Variants in PTPRT observed in about 807,000 individuals in gnomAD.
PTPRT encodes the protein protein tyrosine phosphatase receptor type T.
In PTPRT, 56 loss-of-function variants were observed where a neutral mutation model predicts 176.8. The ratio of observed to expected loss-of-function variants is 0.32; its 90% CI spans 0.26 to 0.40. The LOEUF (loss-of-function observed/expected upper bound fraction) is 0.40, where lower values mean the gene tolerates loss of function less well. Ranked by LOEUF, PTPRT falls within the 10% of genes least tolerant of loss-of-function variation. PTPRT has a pLI of 1.00. For synonymous variants in PTPRT, 783 were observed against 739.0 expected (o/e 1.06, Z -0.96); for missense variants, 1,540 against 1,908.2 (o/e 0.81, Z 3.60).
chr20:42,945,230 T>C (rs1232663618), intron 1 of PTPRT, among the ~76,000 whole-genome samples: 2 of 152,040 alleles, frequency 1.3e-5, no homozygotes, highest in Non-Finnish European at 2.9e-5. Context: ...TACAATGATC[T>C]AGGCCTCACC....
At chr20:42,577,181 T>C (rs2073276064) in intron 7 of PTPRT, among the ~76,000 whole-genome samples, 1 of 152,142 alleles carries the variant, frequency 6.6e-6, no homozygotes, top group Non-Finnish European at 1.5e-5. Flanking sequence ...ACAATCGCTA[T>C]AACAGAACAG....
rs375512360 is a variant in PTPRT, at chr20:42,516,303, A to T, written c.1154-43741T>A. 2.5e-4 allele frequency among the ~76,000 whole-genome samples: 38 copies of T among 152,280 alleles called. 2 individuals are homozygous for T. The East Asian group carries it at 3.3e-3, about 13-fold the overall frequency. ...AGAATGAACACATCACCATGATATG[A>T]GAACCATCTTAACCAGTGACTTCCC... On this transcript the variant is annotated intron_variant, in intron 7 of 30. Transcript: ENST00000373187.
chr20:42,334,642 T>G (rs758033886), intron 11 of PTPRT, among the ~76,000 whole-genome samples: 9 of 152,184 alleles, frequency 5.9e-5, no homozygotes, highest in Non-Finnish European at 1.3e-4. Flanking sequence ...TTGGGGAAAA[T>G]AATCTGGCAA....
chr20:42,690,629 C>T (rs2075778325), intron 6 of PTPRT, among the ~76,000 whole-genome samples: 1 of 152,168 alleles, frequency 6.6e-6, no homozygotes, highest in East Asian at 1.9e-4. Context: ...GTGCAGTACC[C>T]CAGTACTCTA....
intron 7 of PTPRT, among the ~76,000 whole-genome samples, chr20:42,674,895 C>T (rs916040286): frequency 1.0e-4 from 15 of 146,808 alleles, no homozygotes; most frequent in African/African-American, 2.8e-4. Flanking sequence ...GCTTTGAAAA[C>T]GCAAATTTGT....
rs397864699 is a variant in PTPRT at position 42,136,232 on chromosome 20, CTTT to C, written c.2770+5680_2770+5682del. On this transcript the variant is annotated intron_variant, in intron 18 of 30. Coordinates refer to ENST00000373187, the MANE Select transcript of PTPRT (RefSeq NM_007050.6). ...GCACTACAGAGGGTAAAGAACAGTG[CTTT>C]TTTTTTTTTTTTTTTTTTTTTTCAG... Among the ~76,000 whole-genome samples the C allele has an allele frequency of 1.6e-3, 101 of 63,044 alleles. No individual in the cohort carries two copies. In the East Asian group the frequency reaches 0.022, roughly 14 times the overall value. 41.4% of individuals were successfully genotyped at this position (63,044 alleles called of 152,430 possible).
In PTPRT at chr20:42,291,504, T is replaced by C. The variant is rs549705440; in HGVS notation, c.2140-8979A>G. On this transcript the variant is annotated intron_variant, in intron 12 of 30. Coordinates refer to ENST00000373187, the MANE Select transcript of PTPRT (RefSeq NM_007050.6). Reference sequence around the variant, plus strand: ...TAGTACAGTAAACTAAATGAGGTTGTGTTTAAAAGTTTAGTACACTAAAGT... The same window carrying C: ...TAGTACAGTAAACTAAATGAGGTTGCGTTTAAAAGTTTAGTACACTAAAGT... Among the ~76,000 whole-genome samples, 5 of 152,278 alleles carry C rather than the reference T, an allele frequency of 3.3e-5. 1 individual carries two copies. In the South Asian group the frequency reaches 1.0e-3, roughly 32 times the overall value.
chr20:42,335,306 A>G (rs2058024393), intron 11 of PTPRT, among the ~76,000 whole-genome samples: 1 of 152,140 alleles, frequency 6.6e-6, no homozygotes, highest in Non-Finnish European at 1.5e-5. Flanking sequence ...TCATTTCAGA[A>G]TTTGAATGCC....
Position 42,610,015 on chromosome 20 carries a change from G to C in PTPRT, c.1153+67851C>G, listed in dbSNP as rs77141560. Among the ~76,000 whole-genome samples, 598 of 152,366 alleles carry C rather than the reference G, an allele frequency of 3.9e-3. 5 individuals are homozygous for C. Among genetic ancestry groups the C allele is most frequent in the African/African-American group, 0.014 (567 of 41,596 alleles). ...CAACCTCAACAGATGGCAGAATTCA[G>C]ATGGGTGGCGGGAAGCAGGCTTCAA... is the stretch of plus-strand genomic sequence containing the variant. On this transcript the variant is annotated intron_variant, in intron 7 of 30. Coordinates refer to ENST00000373187, the MANE Select transcript of PTPRT (RefSeq NM_007050.6).
intron 1 of PTPRT, among the ~76,000 whole-genome samples, chr20:42,991,177 C>A (rs901726331): frequency 6.6e-6 from 1 of 152,052 alleles, no homozygotes; most frequent in Non-Finnish European, 1.5e-5. Flanking sequence ...TTACATTTAT[C>A]GTGTAAAAAT....
intron 6 of PTPRT, among the ~76,000 whole-genome samples, chr20:42,727,878 T>C (rs559111556): frequency 6.6e-6 from 1 of 152,258 alleles, no homozygotes; most frequent in African/African-American, 2.4e-5. Flanking sequence ...CTGGATTGTA[T>C]CTCTCTTGCT....
chr20:42,784,664 G>A (rs1398249436), intron 3 of PTPRT, among the ~76,000 whole-genome samples: 2 of 152,070 alleles, frequency 1.3e-5, no homozygotes, highest in Non-Finnish European at 2.9e-5. Flanking sequence ...CAGGGAAAGG[G>A]ACTGAGTTTA....
At chr20:42,821,997 CA>C (rs1478362114) in intron 2 of PTPRT, among the ~76,000 whole-genome samples, 1 of 152,144 alleles carries the variant, frequency 6.6e-6, no homozygotes, top group Non-Finnish European at 1.5e-5. Context: ...AAGTAATTTA[CA>C]GATTCAACAC....
intron 1 of PTPRT, among the ~76,000 whole-genome samples, chr20:43,060,919 T>C (rs1600682868): frequency 6.6e-6 from 1 of 152,214 alleles, no homozygotes. Context: ...CAGGAGTGCA[T>C]GCATTAGCCA....
At chr20:42,534,268 G>C (rs1214332946) in intron 7 of PTPRT, among the ~76,000 whole-genome samples, 1 of 152,162 alleles carries the variant, frequency 6.6e-6, no homozygotes, top group Non-Finnish European at 1.5e-5. Flanking sequence ...TTGAATCCTT[G>C]GCAAACAGAT....
chr20:42,597,606 C>T (rs2073694651), intron 7 of PTPRT, among the ~76,000 whole-genome samples: 1 of 152,176 alleles, frequency 6.6e-6, no homozygotes, highest in Non-Finnish European at 1.5e-5. Flanking sequence ...TTCTCCTGCT[C>T]TGGCCATGTA....
intron 11 of PTPRT, among the ~76,000 whole-genome samples, chr20:42,345,812 A>G (rs1307882280): frequency 6.6e-6 from 1 of 152,062 alleles, no homozygotes; most frequent in Non-Finnish European, 1.5e-5. Context: ...GGAACTATAT[A>G]GGTCACTGTT....
intron 7 of PTPRT, among the ~76,000 whole-genome samples, chr20:42,659,358 G>C (rs948866977): frequency 2.6e-5 from 4 of 152,162 alleles, no homozygotes. Flanking sequence ...GGGATATTTT[G>C]TGTGACATAT....
At chr20:42,293,151 C>T (rs1457584203) in intron 12 of PTPRT, among the ~76,000 whole-genome samples, 1 of 152,232 alleles carries the variant, frequency 6.6e-6, no homozygotes, top group Non-Finnish European at 1.5e-5. Flanking sequence ...CCCCAAGTAG[C>T]ATGCAAGCCA....
Sources: gnomAD v4.1 joint callset for allele counts (sites outside exome capture counted in the v4.1 genomes callset) on GRCh38, gnomAD v4.1.1 for gene constraint, MANE v1.5 for transcripts, NCBI Gene and HGNC (gene_info 2026-07-23, HGNC 2026-07-21) for gene names.